LARP4B: variants seen among roughly 807,000 people sequenced by gnomAD.
The protein encoded by LARP4B is La ribonucleoprotein 4B.
A neutral mutation model predicts 89.8 loss-of-function variants in LARP4B; 12 were observed. The ratio of observed to expected loss-of-function variants is 0.13; its 90% CI spans 0.09 to 0.22. LARP4B has a LOEUF of 0.22. LARP4B is among the 10% of genes least tolerant of loss of function. LARP4B has a pLI of 1.00. For missense variants in LARP4B, 757 were observed against 947.7 expected (o/e 0.80, Z 2.64); for synonymous variants, 367 against 363.3 (o/e 1.01, Z -0.12).
chr10:902,428 C>T (rs1836369450), intron 1 of LARP4B, among the ~76,000 whole-genome samples: 1 of 152,162 alleles, frequency 6.6e-6, no homozygotes, highest in African/African-American at 2.4e-5. Context: ...CACCTTTTCA[C>T]ACACTTTCAC....
At chr10:947,566 T>A in the LARP4B span, among the ~76,000 whole-genome samples, 1 of 152,098 alleles carries the variant, frequency 6.6e-6, no homozygotes, top group East Asian at 1.9e-4. Context: ...GGAATACTGG[T>A]TTCTTCTTTA....
In LARP4B at chr10:909,343, T is replaced by G. The variant is rs1836602341; in HGVS notation, c.-40+22085A>C. Among the ~76,000 whole-genome samples the G allele has an allele frequency of 2.0e-5, 3 of 149,444 alleles. No individual in the cohort carries two copies. The South Asian group carries it at 6.4e-4, about 32-fold the overall frequency. ...TTCCAAGTTGCTCAGAGAGTCAATG[T>G]CACTGACTCCAAGCACAGAATCCAA... On this transcript the variant is annotated intron_variant, in intron 1 of 17. Transcript: ENST00000316157.
intron 11 of LARP4B, among the ~76,000 whole-genome samples, chr10:828,767 A>G (rs1003652468): frequency 7.9e-5 from 12 of 152,204 alleles, no homozygotes; most frequent in Middle Eastern, 3.2e-3. Flanking sequence ...CTTCAAGGAC[A>G]TGCTCATCCG....
chr10:890,233 A>G lies in LARP4B; in HGVS notation c.-39-4473T>C, dbSNP rs1800687010. ...AATAATCTGCTTGTGATAAATTCTC[A>G]AAAACCTTGTTAATGAAATAATCTG... On this transcript the variant is annotated intron_variant, in intron 1 of 17. Coordinates refer to ENST00000316157, the MANE Select transcript of LARP4B (RefSeq NM_015155.3). Among the ~76,000 whole-genome samples, 4 of 152,322 alleles carry G rather than the reference A, an allele frequency of 2.6e-5. No homozygotes were observed. The South Asian group carries it at 8.3e-4, about 32-fold the overall frequency.
the LARP4B span, chr10:973,102 C>T: frequency 2.8e-6 from 1 of 360,184 alleles, no homozygotes; most frequent in South Asian, 2.1e-5. Context: ...GCCTTTCTTG[C>T]AGAGAGTAAA....
chr10:903,870 A>T (rs146328675), intron 1 of LARP4B, among the ~76,000 whole-genome samples: 1 of 152,332 alleles, frequency 6.6e-6, no homozygotes, highest in Non-Finnish European at 1.5e-5. Context: ...GCTGGGAAGC[A>T]GCTCGGAGCT....
At chr10:818,566 T>C (rs982906233) in intron 14 of LARP4B, 1 of 152,262 alleles carries the variant, frequency 6.6e-6, no homozygotes, top group African/African-American at 2.4e-5. Context: ...TGAGTGTACT[T>C]TGTAAGCCCA....
chr10:878,626 G>A (rs1458696543), intron 3 of LARP4B, among the ~76,000 whole-genome samples: 1 of 152,174 alleles, frequency 6.6e-6, no homozygotes, highest in Non-Finnish European at 1.5e-5. Context: ...TTTACGATCT[G>A]TGCACATAGC....
At chr10:917,188 T>C (rs1035631944) in intron 1 of LARP4B, among the ~76,000 whole-genome samples, 7 of 152,350 alleles carry the variant, frequency 4.6e-5, no homozygotes, top group African/African-American at 1.2e-4. Context: ...GACTTTTTGT[T>C]TGAAACATTG....
chr10:962,308 A>G, the LARP4B span, among the ~76,000 whole-genome samples: 1 of 151,726 alleles, frequency 6.6e-6, no homozygotes, highest in African/African-American at 2.4e-5. Context: ...CAAAAAAAAA[A>G]AAAAAAAAAA....
At chr10:888,414 A>G (rs1418193452) in intron 1 of LARP4B, among the ~76,000 whole-genome samples, 1 of 152,128 alleles carries the variant, frequency 6.6e-6, no homozygotes, top group Non-Finnish European at 1.5e-5. Context: ...CAGAAATAAA[A>G]ACAGTTGTTG....
intron 1 of LARP4B, chr10:903,393 T>C (rs1432861033): frequency 6.6e-6 from 1 of 152,220 alleles, no homozygotes; most frequent in African/African-American, 2.4e-5. Flanking sequence ...ATAATTTACT[T>C]TTACCTTAAG....
At chr10:845,165 A>AAG (rs1396850353) in intron 5 of LARP4B, 110 bp from the exon 6 acceptor site, 1 of 697,936 alleles carries the variant, frequency 1.4e-6, no homozygotes, top group Non-Finnish European at 2.4e-6. Flanking sequence ...ACAACTACGT[A>AAG]AGTGTATCCT....
chr10:932,307 C>T (rs1286849402), upstream of LARP4B, among the ~76,000 whole-genome samples: 1 of 148,948 alleles, frequency 6.7e-6, no homozygotes, highest in Non-Finnish European at 1.5e-5. Context: ...CCCGGAACAC[C>T]TCACCCCACA....
chr10:825,666 C>G lies in LARP4B; in HGVS notation c.1232+98G>C, dbSNP rs958399217. 15 of 774,758 alleles carry G rather than the reference C, an allele frequency of 1.9e-5. No homozygotes were observed. In the African/African-American group the frequency reaches 2.6e-4, roughly 13 times the overall value. The allele number at this position is 774,758 out of a possible 1,614,324, so 48.0% of individuals were successfully genotyped here. On this transcript the variant is annotated intron_variant, in intron 12 of 17. Coordinates refer to ENST00000316157, the MANE Select transcript of LARP4B (RefSeq NM_015155.3). The stretch of plus-strand genomic sequence containing the variant: ...AGCTGTGTGCTTCAGGTGGCTCTGT[C>G]TGCGAGGAGCAGGACTAGTGATCAA...
chr10:900,339 T>C (rs1398017584), intron 1 of LARP4B, among the ~76,000 whole-genome samples: 1 of 140,752 alleles, frequency 7.1e-6, no homozygotes, highest in African/African-American at 2.6e-5. Context: ...AGAACAAAAC[T>C]CCATCTCAAA....
At chr10:958,673 C>T in the LARP4B span, among the ~76,000 whole-genome samples, 2 of 152,234 alleles carry the variant, frequency 1.3e-5, no homozygotes, top group Non-Finnish European at 2.9e-5. Flanking sequence ...GCTCCACAGT[C>T]ACCTGAAGGG....
chr10:880,160 C>T (rs1380957249), intron 3 of LARP4B, among the ~76,000 whole-genome samples: 4 of 152,172 alleles, frequency 2.6e-5, no homozygotes, highest in Non-Finnish European at 2.9e-5. Context: ...AGAGCAGCCA[C>T]GTGTCACTTG....
chr10:885,543 G>A (rs1835829660), intron 2 of LARP4B, 98 bp downstream of exon 2: 3 of 755,688 alleles, frequency 4.0e-6, no homozygotes, highest in South Asian at 1.9e-5. Flanking sequence ...CCTAAGATGT[G>A]CCAGTGTTCC....
Sources: gnomAD v4.1 joint callset for allele counts (sites outside exome capture counted in the v4.1 genomes callset) on GRCh38, gnomAD v4.1.1 for gene constraint, MANE v1.5 for transcripts, NCBI Gene and HGNC (gene_info 2026-07-23, HGNC 2026-07-21) for gene names.